The following ZNF43 variants were observed in gnomAD, a reference collection of about 807,000 sequenced individuals.
ZNF43 encodes zinc finger protein 39-like 1 (KOX 27).
Under a neutral mutation model 68.4 loss-of-function variants are expected in ZNF43, and 44 were observed. That is an observed-to-expected ratio of 0.64 (90% CI 0.51 to 0.83). The LOEUF (loss-of-function observed/expected upper bound fraction) is 0.83, where lower values mean the gene tolerates loss of function less well. Among genes scored for constraint, ZNF43 ranks in the 40% least tolerant of loss-of-function variants. The probability of loss-of-function intolerance (pLI) is 0.00; values close to 1 mark genes in which losing one functional copy is unlikely to be tolerated. For missense variants in ZNF43, 896 were observed against 933.2 expected, an observed-to-expected ratio of 0.96 and a Z score of 0.52; for synonymous variants, 308 against 307.8, an observed-to-expected ratio of 1.00 and a Z score of -0.01.
Position 21,819,618 on chromosome 19 carries a change from G to A in ZNF43, c.4-397C>T, listed in dbSNP as rs144930857. On this transcript the variant is annotated intron_variant, in intron 1 of 3. Transcript: ENST00000354959. ...AATATTAAGGTGTACAATAAACTGA[G>A]GATCCTGTTAATGAAGATTATTTTT... Among the ~76,000 whole-genome samples the A allele has an allele frequency of 9.4e-3, 1,424 of 152,212 alleles. 16 individuals are homozygous for A. The highest frequency in any genetic ancestry group is 0.016 in the Non-Finnish European group (1,066 of 68,014).
chr19:21,832,866 T>C (rs892751473), intron 1 of ZNF43, among the ~76,000 whole-genome samples: 9 of 149,300 alleles, frequency 6.0e-5, no homozygotes, highest in African/African-American at 1.5e-4. Context: ...TCCATGTCAA[T>C]TGAAAAAAAA....
chr19:21,835,982 T>C (rs1599528031), intron 1 of ZNF43, 54 bp downstream of exon 1: 4 of 1,612,396 alleles, frequency 2.5e-6, no homozygotes, highest in African/African-American at 1.3e-5. Flanking sequence ...CGGGAAGGCC[T>C]GAGTCACGCC....
chr19:21,812,684 CT>C, intron 3 of ZNF43, among the ~76,000 whole-genome samples: 1 of 152,154 alleles, frequency 6.6e-6, no homozygotes, highest in East Asian at 1.9e-4. Flanking sequence ...GGTACAGTGG[CT>C]CACATCTTTA....
chr19:21,807,497 C>A lies in ZNF43; in HGVS notation c.*110G>T, dbSNP rs2036992632. The A allele has an allele frequency of 9.5e-6, 10 of 1,052,948 alleles. No homozygotes were observed. The East Asian group carries it at 2.7e-4, about 28-fold the overall frequency. The allele number at this position is 1,052,948 out of a possible 1,614,324, so 65.2% of individuals were successfully genotyped here. On this transcript the variant is annotated 3_prime_UTR_variant, in exon 4 of 4. Transcript: ENST00000354959. ...TAAAAGTTTTGCCACATTCTTCACA[C>A]TTGTAGAAGTTTACTCCAATGTAAA...
rs2037182933 is a variant in ZNF43 at position 21,809,675 on chromosome 19, A to G, written c.362T>C (p.Val121Ala). ...TCCTCTGTGCACCTTACACTCATCC[A>G]CACTTTTATGGTCTTTTTTTAAATG... is the stretch of plus-strand genomic sequence containing the variant. ...NVHLKKDHKS[V>A]DECKVHRGGY... is the part of the protein sequence containing the mutation. The change falls in exon 4 of 4, where the codon GTG becomes GCG. Residue 121 changes from valine (V) to alanine (A), a missense_variant. Coordinates refer to ENST00000354959, the MANE Select transcript of ZNF43 (RefSeq NM_003423.4). 13 of 1,613,412 alleles carry G rather than the reference A, an allele frequency of 8.1e-6. No homozygotes were observed. The highest frequency in any genetic ancestry group is 1.1e-5 in the Non-Finnish European group (13 of 1,179,824).
intron 1 of ZNF43, chr19:21,827,312 A>G (rs928034155): frequency 2.6e-5 from 4 of 152,118 alleles, no homozygotes; most frequent in Admixed American, 1.3e-4. Context: ...GTTTATTCAT[A>G]TAGTGTAATA....
At chr19:21,849,581 G>A (rs1968202216) in intron 1 of ZNF43, among the ~76,000 whole-genome samples, 1 of 151,316 alleles carries the variant, frequency 6.6e-6, no homozygotes, top group Non-Finnish European at 1.5e-5. Context: ...AGGCCGAGGT[G>A]GGTGGATCAC....
At chr19:21,823,703 G>T (rs921836715) in intron 1 of ZNF43, among the ~76,000 whole-genome samples, 1 of 151,374 alleles carries the variant, frequency 6.6e-6, no homozygotes, top group Non-Finnish European at 1.5e-5. Context: ...AAGTAGCTGG[G>T]ATTACAGGCA....
At chr19:21,833,387 C>T (rs1051340777) in intron 1 of ZNF43, among the ~76,000 whole-genome samples, 11 of 152,104 alleles carry the variant, frequency 7.2e-5, no homozygotes, top group African/African-American at 2.7e-4. Flanking sequence ...CTGCCTCTGC[C>T]TCCCGAAGTA....
At chr19:21,818,577 C>T in intron 2 of ZNF43, among the ~76,000 whole-genome samples, 1 of 150,704 alleles carries the variant, frequency 6.6e-6, no homozygotes, top group Non-Finnish European at 1.5e-5. Flanking sequence ...TGAAACACCA[C>T]ACCTGGCTAA....
chr19:21,822,439 G>T (rs1351192428), intron 1 of ZNF43, among the ~76,000 whole-genome samples: 1 of 143,940 alleles, frequency 6.9e-6, no homozygotes, highest in Non-Finnish European at 1.5e-5. Context: ...CAATAAGCAG[G>T]CCTGACCTAA....
At chr19:21,847,879 G>C (rs1314980544) in intron 1 of ZNF43, among the ~76,000 whole-genome samples, 1 of 152,114 alleles carries the variant, frequency 6.6e-6, no homozygotes, top group Non-Finnish European at 1.5e-5. Context: ...TGTCACCCAG[G>C]CTGGAGTGTA....
chr19:21,823,571 C>CTTTTTTTT (rs10605024), intron 1 of ZNF43, among the ~76,000 whole-genome samples: 2 of 83,496 alleles, frequency 2.4e-5, no homozygotes, highest in Admixed American at 1.4e-4. Flanking sequence ...AGAATCAGGC[C>CTTTTTTTT]TTTTTTTTTT....
intron 2 of ZNF43, 47 bp from the exon 3 acceptor site, chr19:21,818,033 C>T: frequency 3.2e-6 from 5 of 1,538,816 alleles, no homozygotes; most frequent in Non-Finnish European, 4.5e-6. Context: ...CATATTCTCC[C>T]ATTATTAACC....
At chr19:21,815,509 T>TATATATATA (rs1568355560) in intron 3 of ZNF43, among the ~76,000 whole-genome samples, 1,349 of 129,474 alleles carry the variant, frequency 0.01, 18 homozygotes, top group African/African-American at 0.039. Context: ...ATATATATAT[T>TATATATATA]TTGCAGAATA....
In ZNF43 at chr19:21,819,229, A is replaced by C. The variant is rs569814907; in HGVS notation, c.4-8T>G. The C allele has an allele frequency of 3.2e-6, 5 of 1,587,044 alleles. No individual in the cohort carries two copies. The East Asian group carries it at 9.0e-5, about 29-fold the overall frequency. On this transcript the variant is annotated splice_polypyrimidine_tract_variant and splice_region_variant and intron_variant, in intron 1 of 3. Coordinates refer to ENST00000354959, the MANE Select transcript of ZNF43 (RefSeq NM_003423.4). ...CATAAATGTCAATGGTCCCTAAAAA[A>C]AACAACACATACACACACAAACACA...
chr19:21,822,819 T>A (rs960305330), intron 1 of ZNF43, among the ~76,000 whole-genome samples: 60 of 150,990 alleles, frequency 4.0e-4, no homozygotes, highest in Non-Finnish European at 7.4e-4. Context: ...AAAAAAAAAA[T>A]AAAGAATTGT....
rs1268419440 is a variant in ZNF43, at chr19:21,806,712, TCTTCTA to T, written c.*889_*894del. 6.6e-6 allele frequency: 1 copy of T among 152,200 alleles called. No homozygotes were observed. Among genetic ancestry groups the T allele is most frequent in the East Asian group, 1.9e-4 (1 of 5,204 alleles). 9.4% of individuals were successfully genotyped at this position (152,200 alleles called of 1,614,324 possible). The stretch of plus-strand genomic sequence containing the variant: ...CTTTAATTGTAATTATAACTGAAAA[TCTTCTA>T]CTTCTTTTAATGTTATATACAAATA... On this transcript the variant is annotated 3_prime_UTR_variant, in exon 4 of 4. Transcript: ENST00000354959.
At chr19:21,852,063 G>A (rs1968414902) in exon 1 of ZNF43, 8 of 1,016,520 alleles carry the variant, frequency 7.9e-6, no homozygotes, top group Non-Finnish European at 1.1e-5. Context: ...GGGAGCTGGA[G>A]ACAAAGGCCC....
Sources: gnomAD v4.1 joint callset for allele counts (sites outside exome capture counted in the v4.1 genomes callset) on GRCh38, gnomAD v4.1.1 for gene constraint, MANE v1.5 for transcripts, NCBI Gene and HGNC (gene_info 2026-07-23, HGNC 2026-07-21) for gene names.